The following DCC variants were observed in gnomAD, a reference collection of about 807,000 sequenced individuals.
The protein encoded by DCC is DCC netrin 1 receptor, also known as netrin receptor DCC.
A neutral mutation model predicts 172.5 loss-of-function variants in DCC; 58 were observed. The ratio of observed to expected loss-of-function variants is 0.34; its 90% CI spans 0.27 to 0.42. The LOEUF (loss-of-function observed/expected upper bound fraction) is 0.42, where lower values mean the gene tolerates loss of function less well. Among genes scored for constraint, DCC ranks in the 10% least tolerant of loss-of-function variants. The probability of loss-of-function intolerance (pLI) is 1.00; values close to 1 mark genes in which losing one functional copy is unlikely to be tolerated. For synonymous variants in DCC, 709 were observed against 644.5 expected (o/e 1.10, Z -1.52); for missense variants, 1,740 against 1,791.0 (o/e 0.97, Z 0.51).
In DCC at chr18:52,503,016, C is replaced by T. The variant is rs150754229; in HGVS notation, c.91+162138C>T. 3.9e-5 allele frequency among the ~76,000 whole-genome samples: 6 copies of T among 152,162 alleles called. No homozygotes were observed. The South Asian group carries it at 6.2e-4, about 16-fold the overall frequency. On this transcript the variant is annotated intron_variant, in intron 1 of 28. Coordinates refer to ENST00000442544, the MANE Select transcript of DCC (RefSeq NM_005215.4). ...AGCAGTACAAACGTATTTAAGCTGC[C>T]GTGCTGCTCAGAAGGGCCTATTATA...
At chr18:53,368,812 T>G (rs1483482412) in intron 15 of DCC, among the ~76,000 whole-genome samples, 1 of 152,082 alleles carries the variant, frequency 6.6e-6, no homozygotes, top group Admixed American at 6.6e-5. Flanking sequence ...ACTGTATATA[T>G]GCTAGTACCA....
At chr18:53,146,889 TAATTC>T (rs1372516005) in intron 7 of DCC, among the ~76,000 whole-genome samples, 3 of 152,236 alleles carry the variant, frequency 2.0e-5, no homozygotes, top group Non-Finnish European at 4.4e-5. Context: ...TGATCAACCA[TAATTC>T]AAATCAATAT....
chr18:52,468,108 T>A (rs1988840021), intron 1 of DCC, among the ~76,000 whole-genome samples: 1 of 152,206 alleles, frequency 6.6e-6, no homozygotes, highest in Non-Finnish European at 1.5e-5. Flanking sequence ...GCCCTAACTA[T>A]GTGCCAGGTT....
chr18:52,446,781 A>C (rs1988137875), intron 1 of DCC, among the ~76,000 whole-genome samples: 1 of 152,190 alleles, frequency 6.6e-6, no homozygotes, highest in Non-Finnish European at 1.5e-5. Context: ...GAGTGATGGA[A>C]CCAACTCACC....
At chr18:52,781,267 T>C (rs1772846291) in intron 2 of DCC, among the ~76,000 whole-genome samples, 1 of 152,108 alleles carries the variant, frequency 6.6e-6, no homozygotes, top group African/African-American at 2.4e-5. Context: ...AGTCATAGAA[T>C]TATTTTATGG....
chr18:52,496,655 A>C (rs2144615620), intron 1 of DCC, among the ~76,000 whole-genome samples: 1 of 152,140 alleles, frequency 6.6e-6, no homozygotes, highest in East Asian at 1.9e-4. Context: ...GACATCTGTT[A>C]AGGAGACAGT....
intron 2 of DCC, among the ~76,000 whole-genome samples, chr18:52,815,257 C>T (rs2038271775): frequency 6.6e-6 from 1 of 152,000 alleles, no homozygotes; most frequent in Non-Finnish European, 1.5e-5. Context: ...AAGCCCTATC[C>T]CTCAATGTGG....
At chr18:53,232,378 G>A (rs2056136068) in intron 12 of DCC, among the ~76,000 whole-genome samples, 1 of 152,096 alleles carries the variant, frequency 6.6e-6, no homozygotes, top group Non-Finnish European at 1.5e-5. Context: ...TTATTCAGAT[G>A]TGCTACAATC....
intron 10 of DCC, 22 bp from the exon 11 acceptor site, chr18:53,207,657 T>C: frequency 1.2e-6 from 2 of 1,611,310 alleles, no homozygotes; most frequent in Non-Finnish European, 1.7e-6. Flanking sequence ...TTGATAACAG[T>C]TTTGGTGTTT....
chr18:52,540,125 C>T (rs2032397359), intron 1 of DCC, among the ~76,000 whole-genome samples: 1 of 152,134 alleles, frequency 6.6e-6, no homozygotes, highest in African/African-American at 2.4e-5. Flanking sequence ...ATTAATATCT[C>T]TCTGGATATC....
intron 7 of DCC, among the ~76,000 whole-genome samples, chr18:53,156,737 T>G (rs1012325753): frequency 6.6e-6 from 1 of 152,184 alleles, no homozygotes; most frequent in African/African-American, 2.4e-5. Flanking sequence ...ACTGTAAATT[T>G]AGATTTATAT....
chr18:53,268,817 A>G (rs562456236), intron 12 of DCC, among the ~76,000 whole-genome samples: 155 of 152,210 alleles, frequency 1.0e-3, no homozygotes, highest in Middle Eastern at 3.2e-3. Context: ...TGTCAGCTAA[A>G]GAGCAGAGGA....
intron 2 of DCC, among the ~76,000 whole-genome samples, chr18:52,799,618 T>A (rs1481232253): frequency 2.0e-5 from 3 of 152,184 alleles, no homozygotes; most frequent in Non-Finnish European, 4.4e-5. Flanking sequence ...ACTTTCCAAA[T>A]ACTTGTATGG....
intron 13 of DCC, among the ~76,000 whole-genome samples, chr18:53,306,389 T>A (rs1272474053): frequency 6.6e-6 from 1 of 152,200 alleles, no homozygotes; most frequent in Non-Finnish European, 1.5e-5. Context: ...TTTAAAGTTA[T>A]AAGTTCAGGA....
Position 52,424,809 on chromosome 18 carries a change from G to GGCTGACTGGAAGTGGGGA in DCC, c.91+83931_91+83932insGCTGACTGGAAGTGGGGA, listed in dbSNP as rs1402655085. Among the ~76,000 whole-genome samples, 4 of 152,236 alleles carry GGCTGACTGGAAGTGGGGA rather than the reference G, an allele frequency of 2.6e-5. No homozygotes were observed. The East Asian group carries it at 7.7e-4, about 29-fold the overall frequency. ...GGGTTCAGACGATGCCAGTCAGTGG[G>GGCTGACTGGAAGTGGGGA]TAACTTCCTTCTACGTATCAAACCC... On this transcript the variant is annotated intron_variant, in intron 1 of 28. Coordinates refer to ENST00000442544, the MANE Select transcript of DCC (RefSeq NM_005215.4).
At chr18:52,582,749 C>G (rs985699283) in intron 1 of DCC, among the ~76,000 whole-genome samples, 2 of 152,160 alleles carry the variant, frequency 1.3e-5, no homozygotes, top group Non-Finnish European at 2.9e-5. Context: ...AATGGGAATA[C>G]TCTCTTTTAT....
In DCC at chr18:53,259,351, G is replaced by T. The variant is rs187835982; in HGVS notation, c.1911+43754G>T. Among the ~76,000 whole-genome samples, 444 of 152,336 alleles carry T rather than the reference G, an allele frequency of 2.9e-3. 4 individuals are homozygous for T. Among genetic ancestry groups the T allele is most frequent in the African/African-American group, 0.01 (427 of 41,574 alleles). On this transcript the variant is annotated intron_variant, in intron 12 of 28. Coordinates refer to ENST00000442544, the MANE Select transcript of DCC (RefSeq NM_005215.4). ...GATGTTTTTGCAGTGTCTGGTACCA[G>T]TTGTTCCTTTCCATGTTTAGTGCTT...
At chr18:53,256,505 C>G (rs1249512680) in intron 12 of DCC, among the ~76,000 whole-genome samples, 1 of 151,894 alleles carries the variant, frequency 6.6e-6, no homozygotes, top group African/African-American at 2.4e-5. Context: ...TCAGGTTTGT[C>G]AAAGATCAGA....
At position 53,240,048 on chromosome 18, in the gene DCC, AAAC is replaced by A. The variant is rs1165414466; in HGVS notation, c.1911+24457_1911+24459del. Among the ~76,000 whole-genome samples, 630 of 148,272 alleles carry A rather than the reference AAAC, an allele frequency of 4.2e-3. 10 individuals are homozygous for A. Among genetic ancestry groups the A allele is most frequent in the African/African-American group, 0.014 (584 of 40,416 alleles). On this transcript the variant is annotated intron_variant, in intron 12 of 28. Transcript: ENST00000442544. ...AGTTAAAAAAAAAAAAAAAAAAAAA[AAAC>A]AACAAAACACTTTTTCCCCAATGTG...
Sources: gnomAD v4.1 joint callset for allele counts (sites outside exome capture counted in the v4.1 genomes callset) on GRCh38, gnomAD v4.1.1 for gene constraint, MANE v1.5 for transcripts, NCBI Gene and HGNC (gene_info 2026-07-23, HGNC 2026-07-21) for gene names.